SLC35F2: variants seen among roughly 807,000 people sequenced by gnomAD.
The protein encoded by SLC35F2 is solute carrier family 35 member F2.
A neutral mutation model predicts 38.1 loss-of-function variants in SLC35F2; 25 were observed. That is an observed-to-expected ratio of 0.66 (90% confidence interval 0.48 to 0.92). The LOEUF (loss-of-function observed/expected upper bound fraction) is 0.92, where lower values mean the gene tolerates loss of function less well. Among genes scored for constraint, SLC35F2 ranks in the 40% least tolerant of loss-of-function variants. The pLI, the probability that SLC35F2 is intolerant of heterozygous loss-of-function variation, is 0.00. For missense variants in SLC35F2, 409 were observed against 452.9 expected (o/e 0.90, Z 0.88); for synonymous variants, 173 against 181.7 (o/e 0.95, Z 0.38).
rs549074804 is a variant in SLC35F2 at position 107,793,640 on chromosome 11, T to TA, written c.940-841dup. ...GTCTCTGTGGGCAAGTATTACATAG[T>TA]AAAATTTATGGTGGACTGAGCAGAT... On this transcript the variant is annotated intron_variant, in intron 7 of 7. Transcript: ENST00000525815. Among the ~76,000 whole-genome samples, 6 of 152,306 alleles carry TA rather than the reference T, an allele frequency of 3.9e-5. No individual in the cohort carries two copies. The East Asian group carries it at 9.6e-4, about 24-fold the overall frequency.
At chr11:107,825,274 T>C (rs1859735891) in intron 1 of SLC35F2, among the ~76,000 whole-genome samples, 2 of 152,130 alleles carry the variant, frequency 1.3e-5, no homozygotes, top group South Asian at 2.1e-4. Context: ...CAAACTTTCA[T>C]GTGATATGAA....
chr11:107,813,411 C>T (rs1859514327), intron 2 of SLC35F2, among the ~76,000 whole-genome samples: 1 of 152,104 alleles, frequency 6.6e-6, no homozygotes, highest in African/African-American at 2.4e-5. Context: ...TGCCATTGAC[C>T]TGAAATCGTG....
rs1859122567 is a variant in SLC35F2 at position 107,791,041 on chromosome 11, A to G, written c.*1574T>C. ...TTAATGATGTGAACACTTACTCCCCATTTCTTTTTTACATTGTTACAAAAA... is the reference window on the plus strand; with the variant it reads ...TTAATGATGTGAACACTTACTCCCCGTTTCTTTTTTACATTGTTACAAAAA... On this transcript the variant is annotated 3_prime_UTR_variant, in exon 8 of 8. Transcript: ENST00000525815. 1 of 152,608 alleles carries G rather than the reference A, an allele frequency of 6.6e-6. No individual in the cohort carries two copies. The highest frequency in any genetic ancestry group is 6.6e-5 in the Admixed American group (1 of 15,264). The allele number at this position is 152,608 out of a possible 1,614,324, so 9.5% of individuals were successfully genotyped here. A position where few individuals can be genotyped will look rare whatever the true frequency, so the allele number is the denominator to read the frequency against.
chr11:107,839,967 A>C (rs1373574275), intron 1 of SLC35F2, among the ~76,000 whole-genome samples: 3 of 152,136 alleles, frequency 2.0e-5, no homozygotes, highest in Admixed American at 1.3e-4. Flanking sequence ...ACACATTTTC[A>C]TATCAGCTAT....
intron 1 of SLC35F2, among the ~76,000 whole-genome samples, chr11:107,857,486 T>G (rs1296107301): frequency 3.3e-5 from 5 of 152,208 alleles, no homozygotes; most frequent in Non-Finnish European, 5.9e-5. Flanking sequence ...GCCTCCCAGC[T>G]GAGAACTTTT....
chr11:107,836,220 A>AT (rs1307413745), intron 1 of SLC35F2, among the ~76,000 whole-genome samples: 1 of 114,118 alleles, frequency 8.8e-6, no homozygotes, highest in Non-Finnish European at 1.8e-5. Flanking sequence ...TATCACTTAC[A>AT]TTTTTTCTTT....
In SLC35F2 at chr11:107,857,069, T is replaced by C. The variant is rs191273342; in HGVS notation, c.110+1589A>G. ...GAAGGGAGGGGCGGAGGGAGGGAAC[T>C]GGAGCACAGAGAACTGATTTGTCCA... On this transcript the variant is annotated intron_variant, in intron 1 of 7. Transcript: ENST00000525815. Among the ~76,000 whole-genome samples, 14 of 128,772 alleles carry C rather than the reference T, an allele frequency of 1.1e-4. No individual in the cohort carries two copies. The East Asian group carries it at 3.2e-3, about 30-fold the overall frequency. The allele number at this position is 128,772 out of a possible 152,430, so 84.5% of individuals were successfully genotyped here.
chr11:107,833,303 C>T (rs1022506055), intron 1 of SLC35F2, among the ~76,000 whole-genome samples: 3 of 151,988 alleles, frequency 2.0e-5, no homozygotes, highest in Admixed American at 1.3e-4. Context: ...GGGCAGATCA[C>T]GAGCTCAAGA....
At chr11:107,794,562 C>T (rs1859188436) in intron 7 of SLC35F2, among the ~76,000 whole-genome samples, 1 of 152,094 alleles carries the variant, frequency 6.6e-6, no homozygotes, top group African/African-American at 2.4e-5. Context: ...TCCTGCTAAC[C>T]TGATTTTAAA....
chr11:107,856,105 CAA>C (rs1229189240), intron 1 of SLC35F2, among the ~76,000 whole-genome samples: 10 of 95,654 alleles, frequency 1.0e-4, no homozygotes, highest in African/African-American at 1.6e-4. Flanking sequence ...AACTCTGTCT[CAA>C]AAAAAAAAAA....
At chr11:107,829,677 CAAA>C (rs59625402) in intron 1 of SLC35F2, among the ~76,000 whole-genome samples, 14 of 87,296 alleles carry the variant, frequency 1.6e-4, no homozygotes, top group Admixed American at 3.9e-4. Context: ...TGAAATCTCA[CAAA>C]AAAAAAAAAA....
At position 107,805,375 on chromosome 11, in the gene SLC35F2, T is replaced by C. The variant is rs201831509; in HGVS notation, c.715A>G (p.Ile239Val). The part of the protein sequence containing the change: ...LGMVGLFGTI[I>V]SGIQLLIVEY... ...GAATCTTACAGCTGTATACCACTGA[T>C]AATTGTTCCAAACAGGCCCACCATT... The change falls in exon 5 of 8, where the codon ATC becomes GTC. Residue 239 changes from isoleucine (I) to valine (V), a missense_variant. Ile to Val is a conservative substitution (Grantham distance 29, BLOSUM62 3). Coordinates refer to ENST00000525815, the MANE Select transcript of SLC35F2 (RefSeq NM_017515.5). 9.3e-6 allele frequency: 15 copies of C among 1,613,786 alleles called. No individual in the cohort carries two copies. The highest frequency in any genetic ancestry group is 2.7e-5 in the African/African-American group (2 of 74,938).
intron 1 of SLC35F2, among the ~76,000 whole-genome samples, chr11:107,852,244 C>T (rs765875265): frequency 6.6e-6 from 1 of 152,152 alleles, no homozygotes; most frequent in South Asian, 2.1e-4. Context: ...ATGGTGAAAC[C>T]TCATCTCTGC....
At chr11:107,795,258 C>T (rs1197571810) in intron 7 of SLC35F2, among the ~76,000 whole-genome samples, 1 of 152,064 alleles carries the variant, frequency 6.6e-6, no homozygotes, top group Admixed American at 6.6e-5. Context: ...ACCAAAACAG[C>T]ATGGTATTAG....
At chr11:107,841,613 A>G (rs530295621) in intron 1 of SLC35F2, among the ~76,000 whole-genome samples, 7 of 151,748 alleles carry the variant, frequency 4.6e-5, no homozygotes, top group African/African-American at 1.7e-4. Context: ...ACAGAGACCC[A>G]ACTTCATTAG....
At chr11:107,807,637 A>G (rs986693273) in intron 3 of SLC35F2, among the ~76,000 whole-genome samples, 1 of 151,686 alleles carries the variant, frequency 6.6e-6, no homozygotes, top group African/African-American at 2.4e-5. Flanking sequence ...CAGTGGTGCA[A>G]TCTCGGCTCA....
At chr11:107,843,464 C>T (rs1483325455) in intron 1 of SLC35F2, among the ~76,000 whole-genome samples, 2 of 151,690 alleles carry the variant, frequency 1.3e-5, no homozygotes, top group African/African-American at 2.4e-5. Context: ...GCAGGAGAAT[C>T]GCTTGAACCC....
intron 3 of SLC35F2, chr11:107,810,114 T>C (rs1167576057): frequency 2.0e-6 from 2 of 985,330 alleles, no homozygotes; most frequent in African/African-American, 1.7e-5. Flanking sequence ...ATTTACTCAG[T>C]TGGAGAACCA....
chr11:107,795,979 C>CAAAAAAAA (rs1391996398), intron 7 of SLC35F2, among the ~76,000 whole-genome samples: 1 of 152,030 alleles, frequency 6.6e-6, no homozygotes, highest in East Asian at 1.9e-4. Context: ...ACTAAAAATA[C>CAAAAAAAA]AAAAACTAGC....
Sources: allele counts gnomAD v4.1 joint callset (sites outside exome capture counted in the v4.1 genomes callset), GRCh38; gene constraint gnomAD v4.1.1; transcripts MANE v1.5; gene names NCBI Gene and HGNC (gene_info 2026-07-23, HGNC 2026-07-21).